The following SEPTIN3 variants were observed in gnomAD, a reference collection of about 807,000 sequenced individuals.
SEPTIN3 encodes the protein neuronal-specific septin-3.
In SEPTIN3, 15 loss-of-function variants were observed where a neutral mutation model predicts 45.1. The observed-to-expected ratio is 0.33, with a 90% CI of 0.22 to 0.51. The LOEUF (loss-of-function observed/expected upper bound fraction) is 0.51, where lower values mean the gene tolerates loss of function less well. Ranked by LOEUF, SEPTIN3 falls within the 20% of genes least tolerant of loss-of-function variation. The probability of loss-of-function intolerance (pLI) is 0.97; values close to 1 mark genes in which losing one functional copy is unlikely to be tolerated. For synonymous variants in SEPTIN3, 148 were observed against 164.8 expected (o/e 0.90, Z 0.78); for missense variants, 289 against 457.2 (o/e 0.63, Z 3.35).
At chr22:41,970,760 A>G (rs1339683724) in intron 1 of SEPTIN3, among the ~76,000 whole-genome samples, 1 of 152,014 alleles carries the variant, frequency 6.6e-6, no homozygotes, top group Non-Finnish European at 1.5e-5. Context: ...AGCCCTGCCT[A>G]CTTCCTTGCC....
chr22:41,988,240 T>C (rs2078242643), intron 6 of SEPTIN3, among the ~76,000 whole-genome samples: 1 of 152,016 alleles, frequency 6.6e-6, no homozygotes. Context: ...TGAGGCATTG[T>C]GTGTTCAGAG....
At chr22:41,985,917 T>C in intron 3 of SEPTIN3, 67 bp from the exon 4 acceptor site, 1 of 1,514,322 alleles carries the variant, frequency 6.6e-7, no homozygotes, top group Non-Finnish European at 8.9e-7. Flanking sequence ...TGTAAGCTTA[T>C]GGAGAAATAT....
chr22:41,971,869 T>C lies in SEPTIN3; in HGVS notation c.377T>C (p.Leu126Pro). The change falls in exon 2 of 12, where the codon CTT becomes CCT. Residue 126 changes from leucine (L) to proline (P), a missense_variant. Around this residue, in one of 3 missense-constraint regions of SEPTIN3, gnomAD observed 200 missense variants for 315.1 expected, o/e 0.63. Coordinates refer to ENST00000644076, the MANE Select transcript of SEPTIN3 (RefSeq NM_001363845.2). ...CAGGCACGGTCCCTGGATCGCCCAC[T>C]TTCTCACTGGGAAGAGTTGCCTACC... ...NSQARSLDRP[L>P]SHWEELPTPG... The C allele has an allele frequency of 2.5e-6, 1 of 399,110 alleles. No individual in the cohort carries two copies. Among genetic ancestry groups the C allele is most frequent in the African/African-American group, 2.1e-5 (1 of 48,738 alleles). 24.7% of individuals were successfully genotyped at this position (399,110 alleles called of 1,614,324 possible). A position where few individuals can be genotyped will look rare whatever the true frequency, so the allele number is the denominator to read the frequency against.
At chr22:41,979,951 C>T (rs192007545) in intron 2 of SEPTIN3, among the ~76,000 whole-genome samples, 293 of 152,144 alleles carry the variant, frequency 1.9e-3, no homozygotes, top group African/African-American at 6.5e-3. Context: ...GATTCTAGAA[C>T]GGCAGAGCTG....
intron 7 of SEPTIN3, among the ~76,000 whole-genome samples, 183 bp downstream of exon 7, chr22:41,989,867 T>C (rs998753009): frequency 6.6e-6 from 1 of 151,782 alleles, no homozygotes; most frequent in Non-Finnish European, 1.5e-5. Flanking sequence ...CTGGGGACTA[T>C]GATGAAGAAA....
intron 11 of SEPTIN3, chr22:41,996,689 G>A: frequency 2.1e-6 from 3 of 1,425,534 alleles, no homozygotes; most frequent in Non-Finnish European, 2.7e-6. Context: ...ACAGAACAGG[G>A]ATCCTTGGCT....
At chr22:41,982,754 G>A (rs1327611795) in intron 3 of SEPTIN3, among the ~76,000 whole-genome samples, 1 of 151,798 alleles carries the variant, frequency 6.6e-6, no homozygotes, top group Non-Finnish European at 1.5e-5. Flanking sequence ...AGCTGGGCAT[G>A]ATGGCACATG....
At chr22:41,990,490 A>G (rs147597180) in intron 7 of SEPTIN3, among the ~76,000 whole-genome samples, 1,838 of 151,300 alleles carry the variant, frequency 0.012, 25 homozygotes, top group Non-Finnish European at 0.014. Context: ...TCATGCCTGT[A>G]ATCCCAGCAC....
chr22:41,976,747 G>A lies in SEPTIN3; in HGVS notation c.1504+3751G>A, dbSNP rs1157731899. On this transcript the variant is annotated intron_variant, in intron 2 of 11. Coordinates refer to ENST00000644076, the MANE Select transcript of SEPTIN3 (RefSeq NM_001363845.2). This position sits in a 1 kb window ranked among gnomAD's most constrained non-coding sequence, Gnocchi z 5.8. ...GCGCGGGCGCCGCGGGAAGGGGAGG[G>A]GCCCTCGGCGGGGCCGACGGGCGCG... The A allele has an allele frequency of 2.0e-5, 3 of 151,762 alleles. No homozygotes were observed. The highest frequency in any genetic ancestry group is 7.3e-5 in the African/African-American group (3 of 41,266). 9.4% of individuals were successfully genotyped at this position (151,762 alleles called of 1,614,324 possible). A position where few individuals can be genotyped will look rare whatever the true frequency, so the allele number is the denominator to read the frequency against.
At chr22:41,989,229 C>A (rs1256829061) in intron 6 of SEPTIN3, among the ~76,000 whole-genome samples, 1 of 151,224 alleles carries the variant, frequency 6.6e-6, no homozygotes, top group East Asian at 1.9e-4. Flanking sequence ...AAAAGACACA[C>A]ACGCACAAGG....
intron 11 of SEPTIN3, 166 bp from the exon 12 acceptor site, chr22:41,996,736 G>T: frequency 6.7e-7 from 1 of 1,501,080 alleles, no homozygotes; most frequent in East Asian, 2.3e-5. Flanking sequence ...CCTTGGACCA[G>T]CAGGGGAAGA....
At chr22:41,975,496 C>T (rs182186883) in intron 2 of SEPTIN3, among the ~76,000 whole-genome samples, 12 of 152,260 alleles carry the variant, frequency 7.9e-5, no homozygotes, top group Admixed American at 7.9e-4. Context: ...ATCTGCAGCC[C>T]AGCCCTGTCT....
At chr22:41,970,047 T>C (rs989276214) in intron 1 of SEPTIN3, among the ~76,000 whole-genome samples, 3 of 151,520 alleles carry the variant, frequency 2.0e-5, no homozygotes, top group African/African-American at 7.3e-5. Flanking sequence ...TTGTGAGGGG[T>C]GATGCCTTCC....
chr22:41,995,309 G>A lies in SEPTIN3; in HGVS notation c.2505+595G>A, dbSNP rs140502766. 113 of 990,834 alleles carry A rather than the reference G, an allele frequency of 1.1e-4. 1 individual carries two copies. The African/African-American group carries it at 1.9e-3, about 16-fold the overall frequency. 61.4% of individuals were successfully genotyped at this position (990,834 alleles called of 1,614,324 possible). On this transcript the variant is annotated intron_variant, in intron 11 of 11. Transcript: ENST00000644076. ...CTGGGAAAAGGAAGGCCATGAGAAGGCAGAGAAGTAGGCCAGAGCTGGGTT... is the reference window on the plus strand; with the variant it reads ...CTGGGAAAAGGAAGGCCATGAGAAGACAGAGAAGTAGGCCAGAGCTGGGTT...
At chr22:41,975,291 G>C (rs983391026) in intron 2 of SEPTIN3, among the ~76,000 whole-genome samples, 1 of 152,156 alleles carries the variant, frequency 6.6e-6, no homozygotes, top group Non-Finnish European at 1.5e-5. Context: ...CTCTACTTTG[G>C]GCAGCCTCAT....
intron 2 of SEPTIN3, 61 bp from the exon 3 acceptor site, chr22:41,981,584 C>A: frequency 7.2e-7 from 1 of 1,392,176 alleles, no homozygotes; most frequent in Non-Finnish European, 9.8e-7. Flanking sequence ...ACCATGGTTT[C>A]CATGTGACCT....
intron 4 of SEPTIN3, 93 bp downstream of exon 4, chr22:41,986,205 A>G (rs2146700578): frequency 2.7e-6 from 4 of 1,480,870 alleles, no homozygotes; most frequent in Non-Finnish European, 3.7e-6. Context: ...AATAAGATCA[A>G]TAAAAGGCAA....
chr22:41,990,142 G>A (rs192609290), intron 7 of SEPTIN3, among the ~76,000 whole-genome samples: 3 of 151,502 alleles, frequency 2.0e-5, no homozygotes, highest in Non-Finnish European at 4.4e-5. Flanking sequence ...ACGGGTTCAC[G>A]CCATTCTCCT....
intron 2 of SEPTIN3, chr22:41,977,110 G>A: frequency 6.3e-7 from 1 of 1,586,018 alleles, no homozygotes; most frequent in South Asian, 1.1e-5. Flanking sequence ...CACCCGCCAG[G>A]AGGAGGCTGC....
Sources: allele counts gnomAD v4.1 joint callset (sites outside exome capture counted in the v4.1 genomes callset), GRCh38; gene constraint gnomAD v4.1.1; regional missense constraint gnomAD v4.1.1; non-coding constraint Gnocchi (gnomAD v3.1); transcripts MANE v1.5; gene names NCBI Gene and HGNC (gene_info 2026-07-23, HGNC 2026-07-21).